CHD7: variants seen among roughly 807,000 people sequenced by gnomAD.
CHD7 encodes ATP-dependent chromatin remodeler CHD7.
Under a neutral mutation model 307.3 loss-of-function variants are expected in CHD7, and 24 were observed. The observed-to-expected ratio is 0.08, with a 90% CI of 0.06 to 0.11. The LOEUF (loss-of-function observed/expected upper bound fraction) is 0.11. Among genes scored for constraint, CHD7 ranks in the 10% least tolerant of loss-of-function variants. The pLI is 1.00. For missense variants in CHD7, 3,106 were observed against 3,727.1 expected (o/e 0.83, Z 4.34); for synonymous variants, 1,363 against 1,349.9 (o/e 1.01, Z -0.21).
chr8:60,806,041 A>G (rs1812522204), intron 6 of CHD7, among the ~76,000 whole-genome samples: 1 of 151,992 alleles, frequency 6.6e-6, no homozygotes, highest in Non-Finnish European at 1.5e-5. Context: ...TTCTGCTGGA[A>G]GTCTGGTTCT....
intron 26 of CHD7, 159 bp from the exon 27 acceptor site, chr8:60,850,873 G>A: frequency 2.9e-6 from 2 of 683,320 alleles, no homozygotes; most frequent in Non-Finnish European, 4.9e-6. Flanking sequence ...CCACCACACT[G>A]CCATGGCTGC....
At chr8:60,841,796 C>G in intron 20 of CHD7, 42 bp downstream of exon 20, 1 of 1,607,894 alleles carries the variant, frequency 6.2e-7, no homozygotes, top group East Asian at 2.2e-5. Flanking sequence ...TGATCTAAAC[C>G]AAGAGCCACT....
At chr8:60,850,443 GCC>G in intron 25 of CHD7, 48 bp from the exon 26 acceptor site, 1 of 1,568,864 alleles carries the variant, frequency 6.4e-7, no homozygotes, top group Non-Finnish European at 8.7e-7. Flanking sequence ...CAGTGATGGG[GCC>G]TTTCTTTGTT....
intron 24 of CHD7, 113 bp from the exon 25 acceptor site, chr8:60,848,938 C>G: frequency 4.6e-6 from 4 of 867,546 alleles, no homozygotes; most frequent in Non-Finnish European, 7.7e-6. Flanking sequence ...CTGATACCTC[C>G]CCACCATGCT....
At chr8:60,829,835 T>C (rs1017288904) in intron 14 of CHD7, among the ~76,000 whole-genome samples, 1 of 152,190 alleles carries the variant, frequency 6.6e-6, no homozygotes. Context: ...GATTACTCAG[T>C]TCTATTGCCA....
In CHD7 at chr8:60,865,035, T is replaced by C. The variant is rs1806174622; in HGVS notation, c.8096T>C (p.Met2699Thr). 2 of 1,603,016 alleles carry C rather than the reference T, an allele frequency of 1.2e-6. No homozygotes were observed. Among genetic ancestry groups the C allele is most frequent in the Non-Finnish European group, 1.7e-6 (2 of 1,174,262 alleles). Residue 2699 changes from methionine (M) to threonine (T), a missense_variant, in exon 38 of 38, where the codon ATG becomes ACG. By Grantham distance (81) the Met-to-Thr change is moderately conservative. This residue lies in a region of CHD7 where 59 missense variants were observed against 106.2 expected (regional missense o/e 0.56). Coordinates refer to ENST00000423902, the MANE Select transcript of CHD7 (RefSeq NM_017780.4). This position sits in a 1 kb window ranked among gnomAD's most constrained non-coding sequence, Gnocchi z 4.3. ...CTCCAGGGTTTTGTTCCTGAGTCGA[T>C]GTTTGACCGCCTTCTCACTGGGCCT... The part of the protein sequence containing the change: ...VKQSGFVPES[M>T]FDRLLTGPVV...
At chr8:60,732,026 C>A (rs1808479544) in intron 1 of CHD7, among the ~76,000 whole-genome samples, 1 of 152,246 alleles carries the variant, frequency 6.6e-6, no homozygotes, top group Non-Finnish European at 1.5e-5. Flanking sequence ...CCCTTCCTAT[C>A]ACATGTGCAC....
intron 2 of CHD7, among the ~76,000 whole-genome samples, chr8:60,770,362 A>T (rs1326928382): frequency 6.6e-6 from 1 of 151,846 alleles, no homozygotes; most frequent in South Asian, 2.1e-4. Flanking sequence ...TTCAATTATA[A>T]TAATTTTCTC....
At chr8:60,759,176 G>A (rs1000254237) in intron 2 of CHD7, among the ~76,000 whole-genome samples, 1 of 151,568 alleles carries the variant, frequency 6.6e-6, no homozygotes, top group African/African-American at 2.4e-5. Flanking sequence ...TTACAAAATT[G>A]AAAACCCATT....
At chr8:60,707,028 T>C (rs2150517459) in intron 1 of CHD7, among the ~76,000 whole-genome samples, 1 of 152,208 alleles carries the variant, frequency 6.6e-6, no homozygotes, top group Non-Finnish European at 1.5e-5. Context: ...GTCCAAGTGT[T>C]CCCATTGTTC....
chr8:60,726,770 C>A (rs995053919), intron 1 of CHD7, among the ~76,000 whole-genome samples: 3 of 152,154 alleles, frequency 2.0e-5, no homozygotes, highest in Non-Finnish European at 4.4e-5. Flanking sequence ...ATGACCACCA[C>A]CCCCTGCATA....
chr8:60,730,600 C>T (rs569181498), intron 1 of CHD7, among the ~76,000 whole-genome samples: 1 of 152,318 alleles, frequency 6.6e-6, no homozygotes, highest in Admixed American at 6.5e-5. Flanking sequence ...GTGGCTCACG[C>T]CTGTAATCCC....
chr8:60,863,240 C>T (rs1299493785), intron 37 of CHD7: 1 of 151,658 alleles, frequency 6.6e-6, no homozygotes, highest in Non-Finnish European at 1.5e-5. Flanking sequence ...TTCCCTCACA[C>T]CGTCCTTTCC....
chr8:60,765,608 T>A (rs887117041), intron 2 of CHD7, among the ~76,000 whole-genome samples: 5 of 152,170 alleles, frequency 3.3e-5, no homozygotes, highest in African/African-American at 1.2e-4. Flanking sequence ...CCACAAGCAC[T>A]AAATTGGGAA....
chr8:60,680,327 C>G (rs1430925580), intron 1 of CHD7, among the ~76,000 whole-genome samples: 2 of 133,278 alleles, frequency 1.5e-5, no homozygotes, highest in Admixed American at 7.8e-5. Flanking sequence ...GCGCGGGGCT[C>G]GGGCGGGGGC....
intron 1 of CHD7, chr8:60,679,446 G>GC (rs1330318969): frequency 6.2e-5 from 9 of 144,608 alleles, no homozygotes; most frequent in Admixed American, 6.1e-4. Context: ...CGTGGGGGGG[G>GC]GGTACGGGGG....
chr8:60,818,727 A>G (rs1045257988), intron 8 of CHD7, among the ~76,000 whole-genome samples: 4 of 152,224 alleles, frequency 2.6e-5, no homozygotes, highest in East Asian at 1.9e-4. Context: ...AGCCAGAGAA[A>G]GTTTGTTGTT....
At chr8:60,854,558 C>A in intron 32 of CHD7, 35 bp downstream of exon 32, 2 of 1,545,596 alleles carry the variant, frequency 1.3e-6, no homozygotes. Flanking sequence ...TTTTGCTGAC[C>A]AAAAAGGATT....
At chr8:60,795,587 T>A (rs1370260006) in intron 4 of CHD7, among the ~76,000 whole-genome samples, 2 of 152,220 alleles carry the variant, frequency 1.3e-5, no homozygotes, top group Non-Finnish European at 2.9e-5. Context: ...TGAGATATAG[T>A]CATGTAATCT....
Sources: allele counts gnomAD v4.1 joint callset (sites outside exome capture counted in the v4.1 genomes callset), GRCh38; gene constraint gnomAD v4.1.1; regional missense constraint gnomAD v4.1.1; non-coding constraint Gnocchi (gnomAD v3.1); transcripts MANE v1.5; gene names NCBI Gene and HGNC (gene_info 2026-07-23, HGNC 2026-07-21).